Variants in PKN2 observed in about 807,000 individuals in gnomAD.
PKN2 encodes serine/threonine-protein kinase N2.
PKN2 carries 38 observed loss-of-function variants against 119.1 expected under a neutral mutation model. That is an observed-to-expected ratio of 0.32 (90% confidence interval 0.25 to 0.42). The LOEUF (loss-of-function observed/expected upper bound fraction) is 0.42. Among genes scored for constraint, PKN2 ranks in the 10% least tolerant of loss-of-function variants. The pLI is 1.00. For synonymous variants in PKN2, 390 were observed against 384.9 expected (o/e 1.01, Z -0.15); for missense variants, 850 against 1,165.1 (o/e 0.73, Z 3.94).
At chr1:88,752,569 T>TTAAAAAAA (rs1669045736) in intron 2 of PKN2, among the ~76,000 whole-genome samples, 1 of 152,146 alleles carries the variant, frequency 6.6e-6, no homozygotes, top group African/African-American at 2.4e-5. Flanking sequence ...TTTCTTTATT[T>TTAAAAAAA]TGTTCCACAT....
chr1:88,816,518 A>C (rs961950857), intron 16 of PKN2, among the ~76,000 whole-genome samples: 13 of 152,184 alleles, frequency 8.5e-5, no homozygotes, highest in African/African-American at 3.1e-4. Context: ...GAGTGCTGGG[A>C]TTACAGGCAT....
intron 1 of PKN2, among the ~76,000 whole-genome samples, chr1:88,701,071 G>A (rs1258891762): frequency 6.6e-6 from 1 of 152,172 alleles, no homozygotes; most frequent in Non-Finnish European, 1.5e-5. Flanking sequence ...AGTCACAACA[G>A]AAGTAGATAA....
chr1:88,817,503 C>T (rs967547013), intron 16 of PKN2, among the ~76,000 whole-genome samples: 3 of 151,246 alleles, frequency 2.0e-5, no homozygotes, highest in Middle Eastern at 3.5e-3. Flanking sequence ...GTCAGGATAT[C>T]GAGACCAGCC....
chr1:88,765,562 G>A (rs1423964460), intron 3 of PKN2, among the ~76,000 whole-genome samples: 2 of 152,214 alleles, frequency 1.3e-5, no homozygotes, highest in Admixed American at 6.5e-5. Flanking sequence ...ATGTATGCAT[G>A]TGTGATACCA....
intron 15 of PKN2, among the ~76,000 whole-genome samples, chr1:88,811,868 C>T (rs1003810316): frequency 6.6e-6 from 1 of 152,084 alleles, no homozygotes. Flanking sequence ...TCACTTTGAC[C>T]CCTTTATTTG....
chr1:88,815,002 G>A (rs1389886855), intron 16 of PKN2, among the ~76,000 whole-genome samples: 1 of 152,180 alleles, frequency 6.6e-6, no homozygotes, highest in African/African-American at 2.4e-5. Flanking sequence ...GGACATAGGG[G>A]TTAATTCTAA....
At chr1:88,790,518 A>G (rs886696445) in intron 8 of PKN2, among the ~76,000 whole-genome samples, 1 of 152,226 alleles carries the variant, frequency 6.6e-6, no homozygotes. Flanking sequence ...TCAGTATTAC[A>G]GTCGAGAATT....
chr1:88,749,673 A>G (rs565869386), intron 2 of PKN2, among the ~76,000 whole-genome samples: 6 of 152,296 alleles, frequency 3.9e-5, no homozygotes, highest in African/African-American at 1.4e-4. Flanking sequence ...GGACTTTAGG[A>G]GAAGTATAAA....
chr1:88,707,203 T>A (rs1041597788), intron 1 of PKN2, among the ~76,000 whole-genome samples: 5 of 152,118 alleles, frequency 3.3e-5, no homozygotes, highest in South Asian at 2.1e-4. Context: ...TGTATTTTTT[T>A]AAAAATAAAC....
At position 88,700,573 on chromosome 1, in the gene PKN2, C is replaced by T. The variant is rs552698765; in HGVS notation, c.48+15945C>T. On this transcript the variant is annotated intron_variant, in intron 1 of 21. Coordinates refer to ENST00000370521, the MANE Select transcript of PKN2 (RefSeq NM_006256.4). ...ATGAGACAGGTCTTGCATGGTTTCC[C>T]CACTCAGTCTATTAACATTAGATCA... 2.0e-5 allele frequency among the ~76,000 whole-genome samples: 3 copies of T among 152,272 alleles called. No individual in the cohort carries two copies. The South Asian group carries it at 6.2e-4, about 32-fold the overall frequency.
intron 6 of PKN2, among the ~76,000 whole-genome samples, chr1:88,783,319 T>C (rs1670432039): frequency 6.6e-6 from 1 of 150,494 alleles, no homozygotes; most frequent in Non-Finnish European, 1.5e-5. Flanking sequence ...TTTCTGTCTC[T>C]TCAACTTGGC....
intron 6 of PKN2, chr1:88,781,252 T>G: frequency 1.2e-6 from 1 of 808,266 alleles, no homozygotes; most frequent in African/African-American, 1.8e-5. Context: ...TGTATGATTA[T>G]ACTACTGAAA....
intron 3 of PKN2, among the ~76,000 whole-genome samples, chr1:88,766,555 T>A (rs1002513393): frequency 6.6e-6 from 1 of 152,232 alleles, no homozygotes; most frequent in Non-Finnish European, 1.5e-5. Flanking sequence ...TGCCAATTAC[T>A]AATAGTTCAT....
rs1355337426 is a variant in PKN2 at position 88,684,489 on chromosome 1, C to T, written c.-92C>T. 7.8e-6 allele frequency: 7 copies of T among 902,178 alleles called. No individual in the cohort carries two copies. Among genetic ancestry groups the T allele is most frequent in the African/African-American group, 3.5e-5 (2 of 56,742 alleles). The allele number at this position is 902,178 out of a possible 1,614,324, so 55.9% of individuals were successfully genotyped here. A position where few individuals can be genotyped will look rare whatever the true frequency, so the allele number is the denominator to read the frequency against. On this transcript the variant is annotated 5_prime_UTR_variant, in exon 1 of 22. Coordinates refer to ENST00000370521, the MANE Select transcript of PKN2 (RefSeq NM_006256.4). ...GTTGTTTTTTTTTTTTTCTTTCTCT[C>T]CCCTCTCCTCACCCCCACCCCGAGC...
intron 8 of PKN2, among the ~76,000 whole-genome samples, chr1:88,797,636 CAAA>C (rs1162541843): frequency 1.2e-5 from 1 of 82,844 alleles, no homozygotes; most frequent in Admixed American, 1.3e-4. Context: ...GACTCCGTCT[CAAA>C]AAAAAAAAAA....
In PKN2 at chr1:88,834,095, C is replaced by T. The variant is rs1229868209; in HGVS notation, c.*647C>T. On this transcript the variant is annotated 3_prime_UTR_variant, in exon 22 of 22. Coordinates refer to ENST00000370521, the MANE Select transcript of PKN2 (RefSeq NM_006256.4). ...AATCATGTAACAGGCTTATAGCTTTCCAACAGAGCTGCTTGCCAAACAATT... is the reference window on the plus strand; with the variant it reads ...AATCATGTAACAGGCTTATAGCTTTTCAACAGAGCTGCTTGCCAAACAATT... 1 of 151,868 alleles carries T rather than the reference C, an allele frequency of 6.6e-6. No homozygotes were observed. The highest frequency in any genetic ancestry group is 1.5e-5 in the Non-Finnish European group (1 of 67,924). The allele number at this position is 151,868 out of a possible 1,614,324, so 9.4% of individuals were successfully genotyped here. A position where few individuals can be genotyped will look rare whatever the true frequency, so the allele number is the denominator to read the frequency against.
chr1:88,725,362 A>G (rs1667855161), intron 1 of PKN2, among the ~76,000 whole-genome samples: 3 of 152,222 alleles, frequency 2.0e-5, no homozygotes, highest in African/African-American at 4.8e-5. Flanking sequence ...CTTACATTCC[A>G]TACAGCAATG....
chr1:88,802,779 C>G (rs1671373351), intron 8 of PKN2, among the ~76,000 whole-genome samples: 1 of 152,148 alleles, frequency 6.6e-6, no homozygotes, highest in African/African-American at 2.4e-5. Context: ...ACCATTTTAG[C>G]CAGTGTAAAA....
chr1:88,789,338 T>G (rs1670711915), intron 8 of PKN2, among the ~76,000 whole-genome samples: 1 of 151,916 alleles, frequency 6.6e-6, no homozygotes, highest in African/African-American at 2.4e-5. Context: ...ATGACAGGAG[T>G]GAAACGGCAA....
Sources: allele counts gnomAD v4.1 joint callset (sites outside exome capture counted in the v4.1 genomes callset), GRCh38; gene constraint gnomAD v4.1.1; transcripts MANE v1.5; gene names NCBI Gene and HGNC (gene_info 2026-07-23, HGNC 2026-07-21).